Variants in MAGI2 observed in about 807,000 individuals in gnomAD.
MAGI2 encodes the protein membrane-associated guanylate kinase, WW and PDZ domain-containing protein 2.
A neutral mutation model predicts 133.3 loss-of-function variants in MAGI2; 35 were observed. The observed-to-expected ratio is 0.26, with a 90% CI of 0.20 to 0.35. The LOEUF (loss-of-function observed/expected upper bound fraction) is 0.35. Ranked by LOEUF, MAGI2 falls within the 10% of genes least tolerant of loss-of-function variation. The pLI is 1.00. For synonymous variants in MAGI2, 729 were observed against 710.6 expected (o/e 1.03, Z -0.41); for missense variants, 1,636 against 1,863.4 (o/e 0.88, Z 2.25).
chr7:78,744,231 A>G (rs1198117175), intron 2 of MAGI2, among the ~76,000 whole-genome samples: 1 of 152,118 alleles, frequency 6.6e-6, no homozygotes, highest in African/African-American at 2.4e-5. Flanking sequence ...TTTCCACGCT[A>G]ATTTTATAAA....
At chr7:78,999,830 T>C (rs1164779997) in intron 2 of MAGI2, among the ~76,000 whole-genome samples, 1 of 152,234 alleles carries the variant, frequency 6.6e-6, no homozygotes, top group Non-Finnish European at 1.5e-5. Flanking sequence ...ACCATATTTA[T>C]TCTCTAATAA....
intron 2 of MAGI2, among the ~76,000 whole-genome samples, chr7:78,762,439 C>CCAAAA (rs1467548057): frequency 6.6e-6 from 1 of 151,364 alleles, no homozygotes; most frequent in Non-Finnish European, 1.5e-5. Context: ...TGAGACTCCA[C>CCAAAA]CAAAACAAAA....
chr7:78,063,980 T>C (rs1349303761), intron 21 of MAGI2, among the ~76,000 whole-genome samples: 5 of 152,080 alleles, frequency 3.3e-5, no homozygotes, highest in Admixed American at 1.3e-4. Flanking sequence ...CAAAGAGCCC[T>C]CTCTCTCTTT....
At chr7:78,184,937 T>C (rs1013642393) in intron 13 of MAGI2, among the ~76,000 whole-genome samples, 2 of 152,216 alleles carry the variant, frequency 1.3e-5, no homozygotes, top group Admixed American at 6.5e-5. Context: ...TTTCATTCTA[T>C]GTTAGCAACA....
At chr7:78,772,340 T>C (rs1825661986) in intron 2 of MAGI2, among the ~76,000 whole-genome samples, 1 of 152,182 alleles carries the variant, frequency 6.6e-6, no homozygotes, top group African/African-American at 2.4e-5. Flanking sequence ...GGTGATAAAT[T>C]ATTAGAATGA....
Position 78,612,927 on chromosome 7 carries a change from C to A in MAGI2, c.538+14193G>T, listed in dbSNP as rs534901376. Among the ~76,000 whole-genome samples, 4 of 152,304 alleles carry A rather than the reference C, an allele frequency of 2.6e-5. No homozygotes were observed. In the East Asian group the frequency reaches 7.7e-4, roughly 29 times the overall value. On this transcript the variant is annotated intron_variant, in intron 3 of 21. Transcript: ENST00000354212. ...CCTCGTGATCCGCCCGCCTCGGCCT[C>A]CCAAAGTGCTGGGATCACAGGCGTG... is the stretch of plus-strand genomic sequence containing the variant.
intron 1 of MAGI2, among the ~76,000 whole-genome samples, chr7:79,204,946 T>G (rs895444504): frequency 6.6e-6 from 1 of 150,744 alleles, no homozygotes. Flanking sequence ...AAGAAAACAA[T>G]GTAAAGGAAT....
At chr7:78,048,950 C>CAA (rs57726865) in intron 21 of MAGI2, among the ~76,000 whole-genome samples, 26 of 150,950 alleles carry the variant, frequency 1.7e-4, no homozygotes, top group Admixed American at 7.3e-4. Flanking sequence ...TACTAAAATA[C>CAA]AAAAAAAATT....
At chr7:79,095,130 C>A (rs1338451825) in intron 1 of MAGI2, among the ~76,000 whole-genome samples, 1 of 152,152 alleles carries the variant, frequency 6.6e-6, no homozygotes, top group African/African-American at 2.4e-5. Context: ...CTACCCTCAT[C>A]AATTATCTTA....
intron 1 of MAGI2, among the ~76,000 whole-genome samples, chr7:79,450,413 A>G (rs1223428467): frequency 1.3e-5 from 2 of 152,208 alleles, no homozygotes. Flanking sequence ...GAATAGCAAC[A>G]TGAATCATAT....
At chr7:78,623,837 G>A (rs865933758) in intron 3 of MAGI2, among the ~76,000 whole-genome samples, 5 of 152,128 alleles carry the variant, frequency 3.3e-5, no homozygotes, top group African/African-American at 1.2e-4. Context: ...GTCCCATAAA[G>A]TTGTAACGGA....
intron 3 of MAGI2, among the ~76,000 whole-genome samples, chr7:78,525,345 G>A (rs931579294): frequency 1.3e-5 from 2 of 152,028 alleles, no homozygotes; most frequent in African/African-American, 4.8e-5. Context: ...ATAAGAACCA[G>A]GAAACCAGAA....
chr7:78,632,582 A>G (rs1344202041), intron 2 of MAGI2, among the ~76,000 whole-genome samples: 1 of 152,246 alleles, frequency 6.6e-6, no homozygotes, highest in Non-Finnish European at 1.5e-5. Context: ...TATTGCTTGG[A>G]TTAGCTTAGG....
intron 2 of MAGI2, among the ~76,000 whole-genome samples, chr7:78,636,940 G>A (rs73378277): frequency 0.017 from 2,637 of 152,176 alleles, 90 homozygotes; most frequent in African/African-American, 0.06. Context: ...GCTGCGGTGG[G>A]GCCTGATTAT....
At chr7:78,065,872 G>A (rs1813753264) in intron 21 of MAGI2, among the ~76,000 whole-genome samples, 2 of 152,202 alleles carry the variant, frequency 1.3e-5, no homozygotes, top group Non-Finnish European at 2.9e-5. Flanking sequence ...TGAGCTATAT[G>A]TGTATTTCAA....
At chr7:78,290,427 G>A (rs1011679499) in intron 9 of MAGI2, among the ~76,000 whole-genome samples, 2 of 152,202 alleles carry the variant, frequency 1.3e-5, no homozygotes, top group African/African-American at 2.4e-5. Context: ...CCCAATACAG[G>A]AGCACCCAGA....
Position 79,111,896 on chromosome 7 carries a change from T to A in MAGI2, c.302-104690A>T, listed in dbSNP as rs564636288. On this transcript the variant is annotated intron_variant, in intron 1 of 21. Transcript: ENST00000354212. The stretch of plus-strand genomic sequence containing the variant: ...GTTAGCCAGGATGGTCTTGATCTCC[T>A]GACCTCGTGATCCGCCCCTCTCGGC... 1.5e-4 allele frequency among the ~76,000 whole-genome samples: 23 copies of A among 151,822 alleles called. No individual in the cohort carries two copies. The East Asian group carries it at 2.7e-3, about 18-fold the overall frequency.
At chr7:78,217,244 G>A in intron 10 of MAGI2, among the ~76,000 whole-genome samples, 1 of 152,084 alleles carries the variant, frequency 6.6e-6, no homozygotes, top group East Asian at 1.9e-4. Context: ...ACCTCCCTGG[G>A]CCAAAGTTTT....
chr7:79,366,932 A>C (rs1842740311), intron 1 of MAGI2, among the ~76,000 whole-genome samples: 1 of 152,200 alleles, frequency 6.6e-6, no homozygotes, highest in Non-Finnish European at 1.5e-5. Context: ...ATGACAGTTC[A>C]CAAAACTGCA....
Sources: allele counts gnomAD v4.1 joint callset (sites outside exome capture counted in the v4.1 genomes callset), GRCh38; gene constraint gnomAD v4.1.1; transcripts MANE v1.5; gene names NCBI Gene and HGNC (gene_info 2026-07-23, HGNC 2026-07-21).